Variants in CDH18 observed in about 807,000 individuals in gnomAD.
CDH18 encodes the protein cadherin 18.
A neutral mutation model predicts 67.9 loss-of-function variants in CDH18; 31 were observed. The ratio of observed to expected loss-of-function variants is 0.46; its 90% CI spans 0.34 to 0.62. The LOEUF (loss-of-function observed/expected upper bound fraction) is 0.62. Ranked by LOEUF, CDH18 falls within the 20% of genes least tolerant of loss-of-function variation. The pLI is 0.01. For synonymous variants in CDH18, 362 were observed against 347.2 expected (o/e 1.04, Z -0.48); for missense variants, 890 against 975.5 (o/e 0.91, Z 1.17).
At chr5:19,584,744 T>TA (rs1199320118) in intron 7 of CDH18, among the ~76,000 whole-genome samples, 1 of 121,842 alleles carries the variant, frequency 8.2e-6, no homozygotes, top group Non-Finnish European at 1.6e-5. Context: ...GCTCAGGAGT[T>TA]AGAGACCAGC....
intron 2 of CDH18, among the ~76,000 whole-genome samples, chr5:20,164,432 C>T (rs370531257): frequency 6.6e-6 from 1 of 152,046 alleles, no homozygotes; most frequent in African/African-American, 2.4e-5. Context: ...GGATTACAGG[C>T]ACCTGCCACC....
intron 5 of CDH18, among the ~76,000 whole-genome samples, chr5:19,644,529 A>G (rs1448950335): frequency 2.0e-5 from 3 of 152,176 alleles, no homozygotes; most frequent in Non-Finnish European, 4.4e-5. Flanking sequence ...TAATTCTGGG[A>G]ACAGTTGTTC....
At chr5:20,531,254 G>A (rs1217936223) in intron 1 of CDH18, among the ~76,000 whole-genome samples, 1 of 152,106 alleles carries the variant, frequency 6.6e-6, no homozygotes, top group African/African-American at 2.4e-5. Flanking sequence ...TGCTGGTGAG[G>A]TTGTGGAAAA....
chr5:19,999,030 T>A (rs1484078316), intron 2 of CDH18, among the ~76,000 whole-genome samples: 2 of 152,158 alleles, frequency 1.3e-5, no homozygotes, highest in Non-Finnish European at 2.9e-5. Context: ...ATTATTATTA[T>A]CATTGTTTGA....
At chr5:19,822,199 C>T (rs1353183167) in intron 3 of CDH18, among the ~76,000 whole-genome samples, 1 of 152,128 alleles carries the variant, frequency 6.6e-6, no homozygotes, top group Admixed American at 6.5e-5. Flanking sequence ...ATAACCAAGA[C>T]CATCCATCTT....
At chr5:20,279,723 A>AAAAAAAAAAAAAAC (rs1746090528) in intron 1 of CDH18, among the ~76,000 whole-genome samples, 1 of 149,088 alleles carries the variant, frequency 6.7e-6, no homozygotes, top group Non-Finnish European at 1.5e-5. Context: ...AAAAAAAAAA[A>AAAAAAAAAAAAAAC]AAAAAGCAAA....
At chr5:20,393,605 T>C (rs958024202) in intron 1 of CDH18, among the ~76,000 whole-genome samples, 1 of 151,952 alleles carries the variant, frequency 6.6e-6, no homozygotes, top group Non-Finnish European at 1.5e-5. Flanking sequence ...AATGATATGA[T>C]GGTATGCCTA....
intron 2 of CDH18, among the ~76,000 whole-genome samples, chr5:20,222,214 T>C (rs113133257): frequency 2.6e-5 from 4 of 152,288 alleles, no homozygotes; most frequent in South Asian, 4.1e-4. Flanking sequence ...TGAAGATAGA[T>C]GCAGAGCCAA....
intron 2 of CDH18, among the ~76,000 whole-genome samples, chr5:20,068,944 T>G (rs2150521579): frequency 6.6e-6 from 1 of 152,308 alleles, no homozygotes; most frequent in Non-Finnish European, 1.5e-5. Flanking sequence ...TTTATCACCC[T>G]AATTAGTTCA....
rs1580708294 is a variant in CDH18, at chr5:20,304,078, C to A, written c.-579-48573G>T. 2.5e-6 allele frequency: 4 copies of A among 1,610,022 alleles called. No individual in the cohort carries two copies. In the South Asian group the frequency reaches 3.3e-5, roughly 13 times the overall value. ...CCTTTTTCTCCAGTAAAATTTTGTG[C>A]AACTCGTCTGCATCCTCGCTGGTGT... On this transcript the variant is annotated intron_variant, in intron 1 of 14. Coordinates refer to the CDH18 transcript ENST00000507958.
At chr5:19,866,305 C>T (rs1196333688) in intron 2 of CDH18, among the ~76,000 whole-genome samples, 2 of 152,190 alleles carry the variant, frequency 1.3e-5, no homozygotes, top group Admixed American at 6.6e-5. Flanking sequence ...GAAAATGTGT[C>T]CTTACAGAAC....
intron 2 of CDH18, among the ~76,000 whole-genome samples, chr5:20,002,378 T>C (rs891578875): frequency 5.3e-5 from 8 of 152,222 alleles, no homozygotes. Flanking sequence ...ATTTTAGCTT[T>C]GCCACTTATT....
intron 2 of CDH18, among the ~76,000 whole-genome samples, chr5:20,003,819 G>A (rs549255704): frequency 1.0e-3 from 153 of 152,220 alleles, no homozygotes; most frequent in Non-Finnish European, 1.9e-3. Context: ...AATGGCGTGA[G>A]CCCGGAGGTG....
intron 5 of CDH18, among the ~76,000 whole-genome samples, chr5:19,688,361 T>A (rs1761404434): frequency 2.0e-5 from 3 of 152,084 alleles, no homozygotes; most frequent in Admixed American, 6.6e-5. Context: ...AGAATCCTCT[T>A]CCCCAGCAAA....
intron 11 of CDH18, among the ~76,000 whole-genome samples, chr5:19,487,250 A>C (rs57857697): frequency 0.1 from 15,444 of 152,178 alleles, 830 homozygotes; most frequent in South Asian, 0.13. Context: ...GATAGATTAG[A>C]TAGACAAATA....
intron 4 of CDH18, among the ~76,000 whole-genome samples, chr5:19,738,202 A>T (rs907544431): frequency 2.6e-5 from 4 of 152,040 alleles, no homozygotes; most frequent in Non-Finnish European, 5.9e-5. Context: ...GGGACTACGG[A>T]CCACTATAAT....
intron 11 of CDH18, among the ~76,000 whole-genome samples, chr5:19,485,121 A>G (rs1740156386): frequency 6.6e-6 from 1 of 152,210 alleles, no homozygotes; most frequent in Non-Finnish European, 1.5e-5. Context: ...ATATAATAAA[A>G]CACAAGAAAA....
intron 2 of CDH18, among the ~76,000 whole-genome samples, chr5:20,167,234 A>G (rs2126634256): frequency 6.6e-6 from 1 of 152,256 alleles, no homozygotes; most frequent in African/African-American, 2.4e-5. Flanking sequence ...TTTTGCACTG[A>G]ATTTAAACAC....
intron 3 of CDH18, among the ~76,000 whole-genome samples, chr5:19,758,694 G>A (rs1056323109): frequency 6.6e-6 from 1 of 152,188 alleles, no homozygotes; most frequent in Non-Finnish European, 1.5e-5. Context: ...GGTGCCAAAT[G>A]CAGCAATTTA....
Sources: gnomAD v4.1 joint callset for allele counts (sites outside exome capture counted in the v4.1 genomes callset) on GRCh38, gnomAD v4.1.1 for gene constraint, MANE v1.5 for transcripts, NCBI Gene and HGNC (gene_info 2026-07-23, HGNC 2026-07-21) for gene names.